DNER: variants seen among roughly 807,000 people sequenced by gnomAD.
DNER encodes delta/notch like EGF repeat containing.
DNER carries 33 observed loss-of-function variants against 78.2 expected under a neutral mutation model. The observed-to-expected ratio is 0.42, with a 90% confidence interval of 0.32 to 0.56. The LOEUF (loss-of-function observed/expected upper bound fraction) is 0.56, where lower values mean the gene tolerates loss of function less well. DNER is among the 20% of genes least tolerant of loss of function. The pLI is 0.11. For synonymous variants in DNER, 417 were observed against 384.8 expected, an observed-to-expected ratio of 1.08 and a Z score of -0.98; for missense variants, 918 against 975.3, an observed-to-expected ratio of 0.94 and a Z score of 0.78.
chr2:229,362,546 C>T (rs1692240642), intron 12 of DNER, among the ~76,000 whole-genome samples: 1 of 152,236 alleles, frequency 6.6e-6, no homozygotes, highest in Non-Finnish European at 1.5e-5. Flanking sequence ...CTGGTTTTCT[C>T]ACAAACTCTG....
chr2:229,631,833 G>T (rs1698437716), intron 1 of DNER, among the ~76,000 whole-genome samples: 1 of 152,166 alleles, frequency 6.6e-6, no homozygotes, highest in Non-Finnish European at 1.5e-5. Flanking sequence ...TTCCTCATCT[G>T]CAAAATGGAA....
At chr2:229,507,672 G>A (rs889006933) in intron 6 of DNER, among the ~76,000 whole-genome samples, 1 of 152,110 alleles carries the variant, frequency 6.6e-6, no homozygotes, top group African/African-American at 2.4e-5. Context: ...TAGAAATGGT[G>A]TATTTCTGAA....
At chr2:229,543,338 T>C (rs1167560041) in intron 5 of DNER, among the ~76,000 whole-genome samples, 1 of 152,182 alleles carries the variant, frequency 6.6e-6, no homozygotes, top group South Asian at 2.1e-4. Flanking sequence ...TCTATTGCCT[T>C]TTCAATGAGT....
chr2:229,446,198 C>T (rs942263532), intron 8 of DNER, among the ~76,000 whole-genome samples: 3 of 152,164 alleles, frequency 2.0e-5, no homozygotes, highest in Non-Finnish European at 4.4e-5. Flanking sequence ...GTGAAGCACC[C>T]GGCTCAGAAT....
intron 8 of DNER, among the ~76,000 whole-genome samples, chr2:229,434,758 G>A (rs1694085672): frequency 1.3e-5 from 2 of 152,098 alleles, no homozygotes; most frequent in South Asian, 4.2e-4. Context: ...GGAATTATGA[G>A]GTAAGTAAAG....
chr2:229,548,704 G>C (rs998596121), intron 4 of DNER, among the ~76,000 whole-genome samples: 1 of 152,006 alleles, frequency 6.6e-6, no homozygotes, highest in Non-Finnish European at 1.5e-5. Flanking sequence ...TAACCAAACT[G>C]CACGTTCTGC....
rs1054558993 is a variant in DNER, at chr2:229,575,140, A to G, written c.847+10718T>C. Among the ~76,000 whole-genome samples the G allele has an allele frequency of 8.5e-5, 13 of 152,354 alleles. No individual in the cohort carries two copies. The South Asian group carries it at 2.5e-3, about 29-fold the overall frequency. ...ATTTTCATAAATTAACCTGTAAATAAAATGCACTAGCTTTATTTTTTTTAA... is the reference window on the plus strand; with the variant it reads ...ATTTTCATAAATTAACCTGTAAATAGAATGCACTAGCTTTATTTTTTTTAA... On this transcript the variant is annotated intron_variant, in intron 4 of 12. Transcript: ENST00000341772.
At chr2:229,679,219 T>C (rs1182937773) in intron 1 of DNER, among the ~76,000 whole-genome samples, 1 of 152,142 alleles carries the variant, frequency 6.6e-6, no homozygotes. Context: ...AGAAAAGAGA[T>C]AAAATAATTA....
chr2:229,438,246 T>C (rs116757890), intron 8 of DNER, among the ~76,000 whole-genome samples: 3,159 of 152,248 alleles, frequency 0.021, 45 homozygotes, highest in Non-Finnish European at 0.03. Flanking sequence ...TCAAGTATCA[T>C]CCATTGAACT....
chr2:229,477,200 A>T lies in DNER; in HGVS notation c.1201T>A (p.Cys401Ser). The change falls in exon 7 of 13, where the codon TGC becomes AGC. Residue 401 changes from cysteine to serine, a missense_variant. By Grantham distance (112) the Cys-to-Ser change is moderately radical (BLOSUM62 -1). Transcript: ENST00000341772. ...GAAATGCATGTTGCTCCATTTCTGC[A>T]TGGGTCTAGGATGCAGTAATCAATC... ...SKIDYCILDPCRNGATCISSL... is the reference protein window; with the variant it reads ...SKIDYCILDPSRNGATCISSL... 1 of 1,614,048 alleles carries T rather than the reference A, an allele frequency of 6.2e-7. No homozygotes were observed. Among genetic ancestry groups the T allele is most frequent in the Non-Finnish European group, 8.5e-7 (1 of 1,179,952 alleles).
chr2:229,589,653 A>G (rs964514196), intron 2 of DNER, among the ~76,000 whole-genome samples: 4 of 152,216 alleles, frequency 2.6e-5, no homozygotes, highest in Non-Finnish European at 5.9e-5. Context: ...CCAACTGTAA[A>G]ATAACATGAC....
At chr2:229,478,242 T>TTTAC (rs1695078725) in intron 6 of DNER, among the ~76,000 whole-genome samples, 1 of 15,466 alleles carries the variant, frequency 6.5e-5, no homozygotes, top group African/African-American at 2.0e-3. Context: ...AGTGTAACAC[T>TTTAC]TTATTTCTAG....
intron 10 of DNER, among the ~76,000 whole-genome samples, chr2:229,398,401 G>A (rs1426787540): frequency 3.3e-5 from 5 of 151,992 alleles, no homozygotes; most frequent in Non-Finnish European, 4.4e-5. Flanking sequence ...GCTTTCACTG[G>A]TAAATTCTAT....
At chr2:229,489,227 A>G (rs1032214742) in intron 6 of DNER, among the ~76,000 whole-genome samples, 1 of 152,252 alleles carries the variant, frequency 6.6e-6, no homozygotes, top group African/African-American at 2.4e-5. Flanking sequence ...CCCAGGCGGC[A>G]GATGCCAACA....
chr2:229,526,845 C>T (rs1282914516), intron 5 of DNER, among the ~76,000 whole-genome samples: 7 of 152,108 alleles, frequency 4.6e-5, no homozygotes, highest in African/African-American at 1.7e-4. Context: ...TCTGTCACAG[C>T]GCTGTAGGGT....
chr2:229,368,364 A>G lies in DNER; in HGVS notation c.1856-1245T>C, dbSNP rs577680083. 3.3e-3 allele frequency among the ~76,000 whole-genome samples: 495 copies of G among 152,304 alleles called. 1 individual carries two copies. Among genetic ancestry groups the G allele is most frequent in the African/African-American group, 0.011 (473 of 41,562 alleles). On this transcript the variant is annotated intron_variant, in intron 11 of 12. Transcript: ENST00000341772. ...GGCAACAGAGTGAGACCCTGTCTCAAAAGAAGAAAAAACACACACACACAA... is the reference window on the plus strand; with the variant it reads ...GGCAACAGAGTGAGACCCTGTCTCAGAAGAAGAAAAAACACACACACACAA...
chr2:229,663,176 A>G (rs1699036850), intron 1 of DNER, among the ~76,000 whole-genome samples: 1 of 152,210 alleles, frequency 6.6e-6, no homozygotes, highest in African/African-American at 2.4e-5. Flanking sequence ...ATTCACATCA[A>G]TTTTAATTAT....
At chr2:229,712,888 A>T (rs190646828) in intron 1 of DNER, among the ~76,000 whole-genome samples, 14 of 152,348 alleles carry the variant, frequency 9.2e-5, no homozygotes, top group Non-Finnish European at 1.5e-5. Context: ...CTAATTTGCT[A>T]TTAAATGAAA....
intron 1 of DNER, among the ~76,000 whole-genome samples, chr2:229,636,494 A>T (rs1388007840): frequency 1.3e-5 from 2 of 152,198 alleles, no homozygotes; most frequent in Non-Finnish European, 2.9e-5. Flanking sequence ...CAAATCTAGG[A>T]AGGACCTGGT....
Sources: allele counts gnomAD v4.1 joint callset (sites outside exome capture counted in the v4.1 genomes callset), GRCh38; gene constraint gnomAD v4.1.1; transcripts MANE v1.5; gene names NCBI Gene and HGNC (gene_info 2026-07-23, HGNC 2026-07-21).